APBB2: variants seen among roughly 807,000 people sequenced by gnomAD.
The protein encoded by APBB2 is Fe65-like 1.
Under a neutral mutation model 82.5 loss-of-function variants are expected in APBB2, and 38 were observed. The ratio of observed to expected loss-of-function variants is 0.46; its 90% CI spans 0.36 to 0.60. The LOEUF (loss-of-function observed/expected upper bound fraction) is 0.60. Ranked by LOEUF, APBB2 falls within the 20% of genes least tolerant of loss-of-function variation. The probability of loss-of-function intolerance (pLI) is 0.00; values close to 1 mark genes in which losing one functional copy is unlikely to be tolerated. For synonymous variants in APBB2, 341 were observed against 368.2 expected, an observed-to-expected ratio of 0.93 and a Z score of 0.85; for missense variants, 772 against 972.3, an observed-to-expected ratio of 0.79 and a Z score of 2.74.
At chr4:40,966,493 C>T (rs1794687309) in intron 6 of APBB2, among the ~76,000 whole-genome samples, 1 of 152,180 alleles carries the variant, frequency 6.6e-6, no homozygotes, top group Non-Finnish European at 1.5e-5. Context: ...CAGCTACAGC[C>T]ACCCAGCTGC....
At position 40,827,261 on chromosome 4, in the gene APBB2, C is replaced by T. The variant is rs576422507; in HGVS notation, c.1645-42G>A. 1.0e-5 allele frequency: 16 copies of T among 1,559,604 alleles called. No homozygotes were observed. In the African/African-American group the frequency reaches 1.1e-4, roughly 11 times the overall value. ...GCAGCTTTGGAGCGTGGGTTCAAGC[C>T]CCCATGTCTTCAGCTATTCCAGCCT... On this transcript the variant is annotated intron_variant, in intron 13 of 17. Coordinates refer to ENST00000508593, the MANE Select transcript of APBB2 (RefSeq NM_004307.2).
At chr4:41,162,542 A>C (rs1297615201) in intron 1 of APBB2, among the ~76,000 whole-genome samples, 1 of 152,072 alleles carries the variant, frequency 6.6e-6, no homozygotes, top group Admixed American at 6.6e-5. Flanking sequence ...ACACACATAC[A>C]TGCTCATCAT....
At chr4:41,049,325 A>AGG (rs1724873960) in intron 4 of APBB2, among the ~76,000 whole-genome samples, 1 of 86,668 alleles carries the variant, frequency 1.2e-5, no homozygotes, top group Non-Finnish European at 2.3e-5. Context: ...GCCCCGTCGG[A>AGG]GAAGTGAGGA....
chr4:41,111,540 C>T (rs139593445), intron 2 of APBB2, among the ~76,000 whole-genome samples: 18 of 152,270 alleles, frequency 1.2e-4, no homozygotes, highest in African/African-American at 4.3e-4. Flanking sequence ...GACATAATTT[C>T]ACAGAATGTT....
At chr4:41,194,001 A>G in intron 1 of APBB2, 1 of 152,116 alleles carries the variant, frequency 6.6e-6, no homozygotes, top group African/African-American at 2.4e-5. Flanking sequence ...TTTTGTTAAG[A>G]GTGAAATTGA....
intron 12 of APBB2, among the ~76,000 whole-genome samples, chr4:40,839,086 T>A (rs1241198206): frequency 6.6e-6 from 1 of 152,074 alleles, no homozygotes; most frequent in African/African-American, 2.4e-5. Flanking sequence ...ATTTTTCACT[T>A]TATTATTTTG....
rs750153807 is a variant in APBB2, at chr4:40,916,566, T to G, written c.1254+17890A>C. Among the ~76,000 whole-genome samples, 3 of 152,286 alleles carry G rather than the reference T, an allele frequency of 2.0e-5. No homozygotes were observed. In the East Asian group the frequency reaches 5.8e-4, roughly 29 times the overall value. On this transcript the variant is annotated intron_variant, in intron 10 of 17. Transcript: ENST00000508593. The stretch of plus-strand genomic sequence containing the variant: ...AAACAATTTGGCCCATGTAGACTTA[T>G]GTGGTTGGATTTTGTTCCAAGTAGG...
intron 1 of APBB2, among the ~76,000 whole-genome samples, chr4:41,196,982 C>A: frequency 3.9e-5 from 6 of 152,180 alleles, no homozygotes; most frequent in Admixed American, 3.9e-4. Flanking sequence ...TAGTTCTGAA[C>A]ATAGACTGAT....
intron 5 of APBB2, among the ~76,000 whole-genome samples, chr4:41,029,182 C>T (rs1384643281): frequency 6.6e-6 from 1 of 152,138 alleles, no homozygotes; most frequent in African/African-American, 2.4e-5. Flanking sequence ...AATAGTGAAA[C>T]CTACCCTGAG....
In APBB2 at chr4:40,816,000, C is replaced by T; in HGVS notation, c.*92G>A. 7.0e-7 allele frequency: 1 copy of T among 1,430,510 alleles called. No individual in the cohort carries two copies. Among genetic ancestry groups the T allele is most frequent in the South Asian group, 1.3e-5 (1 of 78,484 alleles). The allele number at this position is 1,430,510 out of a possible 1,614,324, so 88.6% of individuals were successfully genotyped here. On this transcript the variant is annotated 3_prime_UTR_variant, in exon 18 of 18. Transcript: ENST00000508593. ...AAATTCTCTGAAGACAAAGCATCAGCAACTGGATGGAAGGTCGGATGGCGG... is the reference window on the plus strand; with the variant it reads ...AAATTCTCTGAAGACAAAGCATCAGTAACTGGATGGAAGGTCGGATGGCGG...
intron 4 of APBB2, among the ~76,000 whole-genome samples, chr4:41,057,589 G>A (rs1175949213): frequency 2.0e-5 from 3 of 152,296 alleles, no homozygotes; most frequent in African/African-American, 7.2e-5. Flanking sequence ...AAATAAATAT[G>A]CCAAGTCATT....
intron 12 of APBB2, among the ~76,000 whole-genome samples, chr4:40,871,435 G>A (rs541269086): frequency 7.9e-5 from 12 of 152,294 alleles, no homozygotes; most frequent in African/African-American, 2.4e-4. Context: ...ATGAGCCACC[G>A]CACCCGGCCT....
chr4:41,197,711 G>A, intron 1 of APBB2, among the ~76,000 whole-genome samples: 7 of 152,064 alleles, frequency 4.6e-5, no homozygotes, highest in African/African-American at 9.7e-5. Context: ...TTCAAAACCC[G>A]TCTTAAAACA....
At chr4:40,934,000 T>A (rs539215242) in intron 10 of APBB2, among the ~76,000 whole-genome samples, 26 of 152,254 alleles carry the variant, frequency 1.7e-4, no homozygotes, top group African/African-American at 6.3e-4. Context: ...TTTTCCATCA[T>A]AAAACCTAAT....
intron 6 of APBB2, among the ~76,000 whole-genome samples, chr4:41,002,936 T>G (rs886959430): frequency 9.2e-5 from 14 of 152,154 alleles, no homozygotes; most frequent in Non-Finnish European, 1.9e-4. Context: ...GAAATAAATG[T>G]CTCTTGAACT....
At chr4:41,069,102 C>G (rs940991465) in intron 3 of APBB2, among the ~76,000 whole-genome samples, 1 of 152,062 alleles carries the variant, frequency 6.6e-6, no homozygotes, top group African/African-American at 2.4e-5. Context: ...CCCTACCCAC[C>G]ATCTTAGAAA....
At position 40,850,910 on chromosome 4, in the gene APBB2, C is replaced by T. The variant is rs1759123156; in HGVS notation, c.1530-20333G>A. On this transcript the variant is annotated intron_variant, in intron 12 of 17. Coordinates refer to ENST00000508593, the MANE Select transcript of APBB2 (RefSeq NM_004307.2). The stretch of plus-strand genomic sequence containing the variant: ...CAGTGAGCCGTGATCACACCACTTG[C>T]ACTCCAGCCTGGGTAACTGAGTGAG... 2.0e-5 allele frequency among the ~76,000 whole-genome samples: 3 copies of T among 152,078 alleles called. No individual in the cohort carries two copies. The South Asian group carries it at 6.2e-4, about 32-fold the overall frequency.
At chr4:41,133,981 T>C (rs912509581) in intron 2 of APBB2, among the ~76,000 whole-genome samples, 2 of 152,054 alleles carry the variant, frequency 1.3e-5, no homozygotes, top group African/African-American at 4.8e-5. Flanking sequence ...TTTCCTTTTT[T>C]CTTTTTTTTT....
chr4:41,032,735 C>G (rs16852752), intron 5 of APBB2, among the ~76,000 whole-genome samples: 4,725 of 150,310 alleles, frequency 0.031, 261 homozygotes, highest in African/African-American at 0.11. Flanking sequence ...ATGGTTAAGT[C>G]CAACTAATTC....
Sources: gnomAD v4.1 joint callset for allele counts (sites outside exome capture counted in the v4.1 genomes callset) on GRCh38, gnomAD v4.1.1 for gene constraint, MANE v1.5 for transcripts, NCBI Gene and HGNC (gene_info 2026-07-23, HGNC 2026-07-21) for gene names.